The following PMM2 variants were observed in gnomAD, a reference collection of about 807,000 sequenced individuals.
PMM2 encodes phosphomannomutase 2.
A neutral mutation model predicts 33.2 loss-of-function variants in PMM2; 35 were observed. That is an observed-to-expected ratio of 1.06 (90% CI 0.81 to 1.40). The LOEUF is 1.40. Ranked by LOEUF, PMM2 falls within the 40% of genes most tolerant of loss-of-function variation. The pLI is 0.00. For missense variants in PMM2, 386 were observed against 306.0 expected (o/e 1.26, Z -1.95); for synonymous variants, 153 against 114.7 (o/e 1.33, Z -2.13).
chr16:8,819,817 TC>T (rs1265979688), intron 7 of PMM2, among the ~76,000 whole-genome samples: 4 of 152,218 alleles, frequency 2.6e-5, no homozygotes, highest in Admixed American at 2.6e-4. Context: ...TTGTACATGC[TC>T]CCAGGGGAGA....
intron 7 of PMM2, among the ~76,000 whole-genome samples, chr16:8,840,694 G>T (rs982038658): frequency 6.6e-6 from 1 of 151,664 alleles, no homozygotes; most frequent in Admixed American, 6.6e-5. Context: ...CTGGCTGTCC[G>T]ATGGACACAG....
At chr16:8,798,077 C>G in intron 1 of PMM2, 129 bp downstream of exon 1, 1 of 873,234 alleles carries the variant, frequency 1.1e-6, no homozygotes, top group South Asian at 1.4e-5. Context: ...CGGCGCTGAA[C>G]CCTATTCTGG....
At chr16:8,833,480 T>G (rs2060823315) in intron 7 of PMM2, among the ~76,000 whole-genome samples, 1 of 152,134 alleles carries the variant, frequency 6.6e-6, no homozygotes, top group Non-Finnish European at 1.5e-5. Flanking sequence ...TCCTGCCTTC[T>G]TATATTAATA....
At chr16:8,809,639 G>A (rs1025582748) in intron 4 of PMM2, 3 of 151,752 alleles carry the variant, frequency 2.0e-5, no homozygotes, top group African/African-American at 7.3e-5. Context: ...TTTTAGTAGG[G>A]ACAGGGTTTC....
chr16:8,827,790 ATATT>A lies in PMM2; in HGVS notation c.639+14688_639+14691del, dbSNP rs2060781145. 1.8e-4 allele frequency among the ~76,000 whole-genome samples: 10 copies of A among 56,360 alleles called. 1 individual carries two copies. The South Asian group carries it at 2.9e-3, about 16-fold the overall frequency. 37.0% of individuals were successfully genotyped at this position (56,360 alleles called of 152,430 possible). ...CACATTTATATATATATATTTATAT[ATATT>A]TATACATATTTATATATTTATATAA... On this transcript the variant is annotated intron_variant, in intron 7 of 7. Coordinates refer to ENST00000268261, the MANE Select transcript of PMM2 (RefSeq NM_000303.3).
At chr16:8,826,850 C>A (rs1397638078) in intron 7 of PMM2, among the ~76,000 whole-genome samples, 1 of 152,082 alleles carries the variant, frequency 6.6e-6, no homozygotes, top group African/African-American at 2.4e-5. Flanking sequence ...ACCATCTATG[C>A]CATGCTTGGA....
intron 1 of PMM2, among the ~76,000 whole-genome samples, chr16:8,798,942 T>C (rs910970987): frequency 1.3e-5 from 2 of 152,182 alleles, no homozygotes; most frequent in Non-Finnish European, 2.9e-5. Context: ...CAGGTTTGAT[T>C]TACCTAGTGA....
chr16:8,818,451 G>A (rs2060719675), intron 7 of PMM2, among the ~76,000 whole-genome samples: 6 of 152,222 alleles, frequency 3.9e-5, no homozygotes. Flanking sequence ...CAGGTGCAGA[G>A]CAATCCAAAT....
intron 3 of PMM2, 78 bp downstream of exon 3, chr16:8,804,921 A>T (rs2060638576): frequency 2.3e-6 from 2 of 856,016 alleles, no homozygotes; most frequent in Non-Finnish European, 4.0e-6. Flanking sequence ...GAATGCCTCT[A>T]GGAAGATGAG....
chr16:8,804,928 T>A lies in PMM2; in HGVS notation c.255+85T>A, dbSNP rs181822199. The A allele has an allele frequency of 7.1e-6, 6 of 839,956 alleles. No individual in the cohort carries two copies. In the East Asian group the frequency reaches 1.2e-4, roughly 17 times the overall value. The allele number at this position is 839,956 out of a possible 1,614,324, so 52.0% of individuals were successfully genotyped here. A position where few individuals can be genotyped will look rare whatever the true frequency, so the allele number is the denominator to read the frequency against. On this transcript the variant is annotated intron_variant, in intron 3 of 7. Coordinates refer to ENST00000268261, the MANE Select transcript of PMM2 (RefSeq NM_000303.3). ...TTCACAATGAATGCCTCTAGGAAGA[T>A]GAGGAACGGGTAGAAATGAATCTTT...
intron 7 of PMM2, among the ~76,000 whole-genome samples, chr16:8,823,493 C>T (rs759451200): frequency 6.6e-6 from 1 of 152,048 alleles, no homozygotes; most frequent in Admixed American, 6.6e-5. Flanking sequence ...AAAGACAAAC[C>T]GTAGTAGGAC....
intron 7 of PMM2, among the ~76,000 whole-genome samples, chr16:8,820,723 G>A (rs1471928003): frequency 6.6e-6 from 1 of 152,194 alleles, no homozygotes; most frequent in Non-Finnish European, 1.5e-5. Flanking sequence ...GTGACGCAGG[G>A]CCTGACTCAG....
At chr16:8,841,194 T>G (rs190446603) in intron 7 of PMM2, among the ~76,000 whole-genome samples, 2,404 of 151,152 alleles carry the variant, frequency 0.016, 61 homozygotes, top group Admixed American at 0.048. Context: ...ATATGAAGGT[T>G]CCACTGAATA....
intron 7 of PMM2, 116 bp from the exon 8 acceptor site, chr16:8,847,608 A>G: frequency 1.3e-6 from 1 of 760,720 alleles, no homozygotes; most frequent in Non-Finnish European, 2.4e-6. Context: ...AGCTGAAGAA[A>G]CTCTCCCTGC....
chr16:8,845,507 C>G (rs2060919371), intron 7 of PMM2, among the ~76,000 whole-genome samples: 1 of 152,130 alleles, frequency 6.6e-6, no homozygotes, highest in Non-Finnish European at 1.5e-5. Context: ...TACTGACTCC[C>G]CTCCTCAGTC....
rs918344702 is a variant in PMM2 at position 8,848,192 on chromosome 16, T to C, written c.*367T>C. On this transcript the variant is annotated 3_prime_UTR_variant, in exon 8 of 8. Transcript: ENST00000268261. ...TGCCTGGACCCTCCCTCTTGGTGGGTCTGTGGAAACATAAGCGGTTTTTTT... is the reference window on the plus strand; with the variant it reads ...TGCCTGGACCCTCCCTCTTGGTGGGCCTGTGGAAACATAAGCGGTTTTTTT... The C allele has an allele frequency of 1.5e-5, 4 of 267,042 alleles. No individual in the cohort carries two copies. Among genetic ancestry groups the C allele is most frequent in the Non-Finnish European group, 3.0e-5 (4 of 134,722 alleles). The allele number at this position is 267,042 out of a possible 1,614,324, so 16.5% of individuals were successfully genotyped here. A position where few individuals can be genotyped will look rare whatever the true frequency, so the allele number is the denominator to read the frequency against.
At chr16:8,839,487 G>C (rs372480802) in intron 7 of PMM2, among the ~76,000 whole-genome samples, 2 of 152,002 alleles carry the variant, frequency 1.3e-5, no homozygotes, top group Non-Finnish European at 2.9e-5. Flanking sequence ...AGAAAACGTT[G>C]AGTATCTACA....
chr16:8,841,844 G>T (rs955449074), intron 7 of PMM2, among the ~76,000 whole-genome samples: 1 of 147,306 alleles, frequency 6.8e-6, no homozygotes, highest in East Asian at 2.0e-4. Flanking sequence ...GTAATTGTGG[G>T]ACTTAACAAA....
Position 8,848,193 on chromosome 16 carries a change from C to G in PMM2, c.*368C>G, listed in dbSNP as rs72766379. The G allele has an allele frequency of 5.5e-3, 1,462 of 265,138 alleles. 10 individuals carry two copies. Among genetic ancestry groups the G allele is most frequent in the Non-Finnish European group, 7.0e-3 (940 of 133,492 alleles). 16.4% of individuals were successfully genotyped at this position (265,138 alleles called of 1,614,324 possible). On this transcript the variant is annotated 3_prime_UTR_variant, in exon 8 of 8. Transcript: ENST00000268261. ...GCCTGGACCCTCCCTCTTGGTGGGT[C>G]TGTGGAAACATAAGCGGTTTTTTTA...
Sources: gnomAD v4.1 joint callset for allele counts (sites outside exome capture counted in the v4.1 genomes callset) on GRCh38, gnomAD v4.1.1 for gene constraint, MANE v1.5 for transcripts, NCBI Gene and HGNC (gene_info 2026-07-23, HGNC 2026-07-21) for gene names.